DIAPH2: variants seen among roughly 807,000 people sequenced by gnomAD.
The protein encoded by DIAPH2 is diaphanous related formin 2.
DIAPH2 carries 35 observed loss-of-function variants against 92.7 expected under a neutral mutation model. The ratio of observed to expected loss-of-function variants is 0.38; its 90% CI spans 0.29 to 0.50. The LOEUF (loss-of-function observed/expected upper bound fraction) is 0.50. Among genes scored for constraint, DIAPH2 ranks in the 20% least tolerant of loss-of-function variants. The pLI, the probability that DIAPH2 is intolerant of heterozygous loss-of-function variation, is 0.94. For synonymous variants in DIAPH2, 301 were observed against 280.4 expected, an observed-to-expected ratio of 1.07 and a Z score of -0.73; for missense variants, 701 against 819.5, an observed-to-expected ratio of 0.86 and a Z score of 1.77.
intron 4 of DIAPH2, among the ~76,000 whole-genome samples, chrX:96,859,559 C>T (rs1410377658): frequency 9.1e-6 from 1 of 110,186 alleles, no homozygotes; most frequent in Non-Finnish European, 1.9e-5. Context: ...TATAATAGCA[C>T]ACACATTCAT....
intron 4 of DIAPH2, among the ~76,000 whole-genome samples, chrX:96,775,268 C>T (rs2064368452): frequency 9.2e-6 from 1 of 109,194 alleles, no homozygotes; most frequent in Non-Finnish European, 1.9e-5. Flanking sequence ...TTTAGAGTGT[C>T]TACAGTTTGG....
chrX:97,460,747 T>TA (rs1028290616), intron 26 of DIAPH2, among the ~76,000 whole-genome samples: 3 of 111,024 alleles, frequency 2.7e-5, no homozygotes, highest in Admixed American at 1.9e-4. Context: ...TCCTTGTGGC[T>TA]AAAAAAAATT....
At chrX:97,268,622 A>G (rs1457263704) in intron 23 of DIAPH2, among the ~76,000 whole-genome samples, 2 of 112,014 alleles carry the variant, frequency 1.8e-5, no homozygotes, top group African/African-American at 6.5e-5. Flanking sequence ...TGACCTAGGG[A>G]AAGTCATTTG....
chrX:96,772,783 G>T (rs2147615936), intron 4 of DIAPH2, among the ~76,000 whole-genome samples: 1 of 112,783 alleles, frequency 8.9e-6, no homozygotes, highest in East Asian at 2.8e-4. Flanking sequence ...TGATCTGTTT[G>T]TAAATTTTTA....
chrX:97,372,821 A>G (rs1455188824), intron 24 of DIAPH2, among the ~76,000 whole-genome samples: 2 of 110,315 alleles, frequency 1.8e-5, no homozygotes, highest in African/African-American at 3.3e-5. Flanking sequence ...AAAAAATACA[A>G]AAAAAATTAG....
chrX:96,717,534 A>AT (rs58337121), intron 1 of DIAPH2, among the ~76,000 whole-genome samples: 20,778 of 91,076 alleles, frequency 0.23, 2,004 homozygotes, highest in East Asian at 0.33. Context: ...ATACCAGGTG[A>AT]TTTTTTTTTT....
intron 5 of DIAPH2, among the ~76,000 whole-genome samples, chrX:96,894,614 G>A (rs2065330723): frequency 9.0e-6 from 1 of 111,624 alleles, no homozygotes; most frequent in East Asian, 2.8e-4. Flanking sequence ...GGGACATCAA[G>A]CTGGGGGTAT....
intron 22 of DIAPH2, among the ~76,000 whole-genome samples, chrX:97,157,193 A>G (rs368774209): frequency 9.1e-6 from 1 of 110,330 alleles, no homozygotes; most frequent in East Asian, 2.9e-4. Flanking sequence ...GCATGCCTGT[A>G]ATCCCAGCTA....
At chrX:97,235,749 A>T (rs896487363) in intron 22 of DIAPH2, among the ~76,000 whole-genome samples, 3 of 110,180 alleles carry the variant, frequency 2.7e-5, no homozygotes, top group Non-Finnish European at 3.8e-5. Context: ...TTCATCTCAA[A>T]TTTTTTTTTA....
intron 5 of DIAPH2, among the ~76,000 whole-genome samples, chrX:96,904,942 A>G (rs1022975887): frequency 8.9e-6 from 1 of 111,834 alleles, no homozygotes; most frequent in Non-Finnish European, 1.9e-5. Flanking sequence ...ACCCTGAACT[A>G]TCATTCATTT....
At chrX:97,591,380 G>C (rs751546188) in intron 26 of DIAPH2, among the ~76,000 whole-genome samples, 7 of 112,037 alleles carry the variant, frequency 6.2e-5, no homozygotes, top group African/African-American at 2.3e-4. Context: ...AATGTGCAAG[G>C]GTGCCTGTTA....
In DIAPH2 at chrX:96,774,431, G is replaced by A; in HGVS notation, c.447+16173G>A. Among the ~76,000 whole-genome samples, 3 of 111,869 alleles carry A rather than the reference G, an allele frequency of 2.7e-5. No homozygotes were observed. In the Middle Eastern group the frequency reaches 0.014, roughly 523 times the overall value. On this transcript the variant is annotated intron_variant, in intron 4 of 26. Transcript: ENST00000324765. ...CAACACAGAGAGAACCTTGCCCATG[G>A]AAAAGCTGCTACATTACAGAGAATT...
chrX:96,795,037 A>G (rs2064528386), intron 4 of DIAPH2, among the ~76,000 whole-genome samples: 1 of 112,019 alleles, frequency 8.9e-6, no homozygotes, highest in Admixed American at 9.5e-5. Context: ...TCTAGGATTG[A>G]TCTCATTTTG....
chrX:97,470,218 TAC>T (rs766563577), intron 26 of DIAPH2, among the ~76,000 whole-genome samples: 2 of 111,662 alleles, frequency 1.8e-5, no homozygotes, highest in African/African-American at 6.5e-5. Context: ...CATGCACACA[TAC>T]ACACACACAT....
chrX:96,876,224 C>T (rs914822370), intron 4 of DIAPH2, among the ~76,000 whole-genome samples: 2 of 111,415 alleles, frequency 1.8e-5, no homozygotes, highest in Non-Finnish European at 3.8e-5. Flanking sequence ...CATCTCACAC[C>T]AGTTAGAATG....
intron 10 of DIAPH2, among the ~76,000 whole-genome samples, chrX:96,934,267 A>T (rs12013557): frequency 0.12 from 13,535 of 111,364 alleles, 1,107 homozygotes; most frequent in African/African-American, 0.29. Context: ...TCCTTTACAT[A>T]TGCAGTGAAG....
chrX:96,916,986 A>T lies in DIAPH2; in HGVS notation c.869+412A>T, dbSNP rs1402137562. On this transcript the variant is annotated intron_variant, in intron 8 of 26. Coordinates refer to ENST00000324765, the MANE Select transcript of DIAPH2 (RefSeq NM_006729.5). ...ATCTTATAATAGTATTTTACTTTATATGCCATGGTAAATGAAAATTATTTG... is the reference window on the plus strand; with the variant it reads ...ATCTTATAATAGTATTTTACTTTATTTGCCATGGTAAATGAAAATTATTTG... Among the ~76,000 whole-genome samples the T allele has an allele frequency of 9.0e-5, 10 of 111,695 alleles. No individual in the cohort carries two copies. The Admixed American group carries it at 9.5e-4, about 11-fold the overall frequency.
intron 23 of DIAPH2, among the ~76,000 whole-genome samples, chrX:97,250,178 A>G (rs2068177403): frequency 2.7e-5 from 3 of 111,706 alleles, no homozygotes; most frequent in African/African-American, 9.8e-5. Context: ...TGATCTTTCC[A>G]ATATTTCCAT....
Position 97,347,837 on chromosome X carries a change from C to T in DIAPH2, c.2845-279C>T, listed in dbSNP as rs546830082. ...AGTGTAAGAAGAAGCGATTAGGATA[C>T]AGACAGGGGAACGACTATGGAGAGA... On this transcript the variant is annotated intron_variant, in intron 23 of 26. Coordinates refer to ENST00000324765, the MANE Select transcript of DIAPH2 (RefSeq NM_006729.5). Among the ~76,000 whole-genome samples, 6 of 111,122 alleles carry T rather than the reference C, an allele frequency of 5.4e-5. No homozygotes were observed. In the South Asian group the frequency reaches 2.3e-3, roughly 43 times the overall value.
Sources: allele counts gnomAD v4.1 joint callset (sites outside exome capture counted in the v4.1 genomes callset), GRCh38; gene constraint gnomAD v4.1.1; transcripts MANE v1.5; gene names NCBI Gene and HGNC (gene_info 2026-07-23, HGNC 2026-07-21).